The following ASAP2 variants were observed in gnomAD, a reference collection of about 807,000 sequenced individuals.
ASAP2 encodes arf-GAP with SH3 domain, ANK repeat and PH domain-containing protein 2.
ASAP2 carries 45 observed loss-of-function variants against 131.4 expected under a neutral mutation model. That is an observed-to-expected ratio of 0.34 (90% CI 0.27 to 0.44). The LOEUF (loss-of-function observed/expected upper bound fraction) is 0.44, where lower values mean the gene tolerates loss of function less well. ASAP2 is among the 20% of genes least tolerant of loss of function. ASAP2 has a pLI of 1.00. For missense variants in ASAP2, 1,011 were observed against 1,297.0 expected (o/e 0.78, Z 3.39); for synonymous variants, 510 against 503.0 (o/e 1.01, Z -0.19).
chr2:9,324,758 C>T (rs1390121913), intron 6 of ASAP2, among the ~76,000 whole-genome samples: 1 of 152,174 alleles, frequency 6.6e-6, no homozygotes, highest in Non-Finnish European at 1.5e-5. Flanking sequence ...ACCATATCAC[C>T]ACTCCAGCTC....
In ASAP2 at chr2:9,375,401, A is replaced by AG. The variant is rs1674326873; in HGVS notation, c.1746+460dup. 5.3e-5 allele frequency among the ~76,000 whole-genome samples: 8 copies of AG among 152,112 alleles called. No homozygotes were observed. The South Asian group carries it at 1.7e-3, about 32-fold the overall frequency. On this transcript the variant is annotated intron_variant, in intron 17 of 27. Coordinates refer to ENST00000281419, the MANE Select transcript of ASAP2 (RefSeq NM_003887.3). ...GAGGGGTACTGGGGTAGAATAAACTAGGGTTTTTTCTTTTCAGTAGGAAAA... is the reference window on the plus strand; with the variant it reads ...GAGGGGTACTGGGGTAGAATAAACTAGGGGTTTTTTCTTTTCAGTAGGAAAA...
intron 15 of ASAP2, among the ~76,000 whole-genome samples, chr2:9,360,056 G>A (rs1463825890): frequency 6.6e-6 from 1 of 152,208 alleles, no homozygotes; most frequent in Non-Finnish European, 1.5e-5. Flanking sequence ...GTATCTCTTG[G>A]ATAACTGATG....
chr2:9,228,720 C>T (rs538281198), intron 1 of ASAP2, among the ~76,000 whole-genome samples: 1 of 152,224 alleles, frequency 6.6e-6, no homozygotes, highest in Non-Finnish European at 1.5e-5. Flanking sequence ...CAGCAGAATG[C>T]GTATGTGAAC....
intron 15 of ASAP2, among the ~76,000 whole-genome samples, chr2:9,365,723 C>T (rs1031119136): frequency 1.6e-4 from 24 of 152,308 alleles, no homozygotes; most frequent in African/African-American, 5.8e-4. Flanking sequence ...GGCCTGGTGC[C>T]GCTGTCCTCA....
At chr2:9,221,562 G>A (rs1482844109) in intron 1 of ASAP2, among the ~76,000 whole-genome samples, 1 of 152,002 alleles carries the variant, frequency 6.6e-6, no homozygotes, top group African/African-American at 2.4e-5. Context: ...TCTTTTTGAT[G>A]TGAGTGGAAT....
chr2:9,293,428 G>C (rs1402688760), intron 2 of ASAP2, among the ~76,000 whole-genome samples: 1 of 152,168 alleles, frequency 6.6e-6, no homozygotes, highest in Non-Finnish European at 1.5e-5. Flanking sequence ...ACAAGGGGGA[G>C]GTGAGAGTGT....
chr2:9,387,642 G>A (rs1049107862), intron 21 of ASAP2, among the ~76,000 whole-genome samples: 14 of 152,196 alleles, frequency 9.2e-5, no homozygotes, highest in Admixed American at 9.2e-4. Context: ...TGCTGACTTA[G>A]GTTGAGATAA....
intron 1 of ASAP2, among the ~76,000 whole-genome samples, chr2:9,265,213 C>T (rs1665861458): frequency 6.6e-6 from 1 of 152,144 alleles, no homozygotes; most frequent in African/African-American, 2.4e-5. Flanking sequence ...ATTTACATTG[C>T]ATTAGATATA....
intron 1 of ASAP2, among the ~76,000 whole-genome samples, chr2:9,243,669 A>G (rs1197457619): frequency 6.6e-6 from 1 of 152,170 alleles, no homozygotes; most frequent in Non-Finnish European, 1.5e-5. Context: ...AGCTTGTTTT[A>G]TCTTACCTAG....
chr2:9,237,289 T>C (rs1663620221), intron 1 of ASAP2, among the ~76,000 whole-genome samples: 1 of 152,222 alleles, frequency 6.6e-6, no homozygotes, highest in Non-Finnish European at 1.5e-5. Context: ...CTCCTGAGGC[T>C]GGATTAGGAC....
intron 19 of ASAP2, among the ~76,000 whole-genome samples, chr2:9,380,248 A>T (rs1273472449): frequency 5.3e-5 from 8 of 152,098 alleles, no homozygotes; most frequent in East Asian, 1.9e-4. Flanking sequence ...CCAAGGCTAG[A>T]GTGCAGTGGC....
At position 9,346,435 on chromosome 2, in the gene ASAP2, C is replaced by CA. The variant is rs879767444; in HGVS notation, c.1023+1651dup. On this transcript the variant is annotated intron_variant, in intron 11 of 27. Transcript: ENST00000281419. Reference sequence around the variant, plus strand: ...TGGGAGACAGAGCAAGACTCCATCTCAAAAAAAAAAAAAAAAGCCATTCTT... The same window carrying CA: ...TGGGAGACAGAGCAAGACTCCATCTCAAAAAAAAAAAAAAAAAGCCATTCTT... Among the ~76,000 whole-genome samples, 779 of 97,884 alleles carry CA rather than the reference C, an allele frequency of 8.0e-3. 6 individuals are homozygous for CA. Among genetic ancestry groups the CA allele is most frequent in the Admixed American group, 0.012 (108 of 9,298 alleles). 64.2% of individuals were successfully genotyped at this position (97,884 alleles called of 152,430 possible). A position where few individuals can be genotyped will look rare whatever the true frequency, so the allele number is the denominator to read the frequency against.
intron 1 of ASAP2, among the ~76,000 whole-genome samples, chr2:9,274,319 C>CT (rs57798948): frequency 0.76 from 80,966 of 106,484 alleles, 31,811 homozygotes; most frequent in East Asian, 0.88. Flanking sequence ...AGCATTCAAT[C>CT]TTTTTTTTTT....
chr2:9,393,994 C>T (rs1018656516), intron 24 of ASAP2, among the ~76,000 whole-genome samples: 5 of 152,058 alleles, frequency 3.3e-5, no homozygotes, highest in African/African-American at 9.7e-5. Context: ...TGGTGTGAGG[C>T]GTGGATTTCC....
chr2:9,328,476 T>G (rs1670618050), intron 7 of ASAP2, among the ~76,000 whole-genome samples: 1 of 152,222 alleles, frequency 6.6e-6, no homozygotes, highest in Admixed American at 6.5e-5. Context: ...AACTCTCAGA[T>G]GTTTGTTAAA....
intron 20 of ASAP2, 137 bp from the exon 21 acceptor site, chr2:9,385,108 G>A (rs1427254210): frequency 3.2e-6 from 2 of 632,010 alleles, no homozygotes; most frequent in Non-Finnish European, 5.6e-6. Flanking sequence ...AGGGGCGGGG[G>A]CTTCACCTGA....
At chr2:9,280,478 GATA>G (rs963405213) in intron 2 of ASAP2, among the ~76,000 whole-genome samples, 3 of 152,186 alleles carry the variant, frequency 2.0e-5, no homozygotes, top group African/African-American at 7.2e-5. Flanking sequence ...CCAGGTGCAG[GATA>G]ATGTTACAGT....
In ASAP2 at chr2:9,335,938, G is replaced by A. The variant is rs535777628; in HGVS notation, c.849+759G>A. ...ACTACTTGACAGCATAAAGTTCCCT[G>A]TTGGCAGTTTGGTGAGCTCTATTTT... On this transcript the variant is annotated intron_variant, in intron 9 of 27. Coordinates refer to ENST00000281419, the MANE Select transcript of ASAP2 (RefSeq NM_003887.3). 4 of 152,258 alleles carry A rather than the reference G, an allele frequency of 2.6e-5. No homozygotes were observed. In the East Asian group the frequency reaches 7.7e-4, roughly 29 times the overall value. 9.4% of individuals were successfully genotyped at this position (152,258 alleles called of 1,614,324 possible). A position where few individuals can be genotyped will look rare whatever the true frequency, so the allele number is the denominator to read the frequency against.
chr2:9,246,825 A>G (rs1572243208), intron 1 of ASAP2, among the ~76,000 whole-genome samples: 1 of 152,084 alleles, frequency 6.6e-6, no homozygotes, highest in Non-Finnish European at 1.5e-5. Context: ...GTACTGCTGC[A>G]TGTGGAGAAA....
Sources: gnomAD v4.1 joint callset for allele counts (sites outside exome capture counted in the v4.1 genomes callset) on GRCh38, gnomAD v4.1.1 for gene constraint, MANE v1.5 for transcripts, NCBI Gene and HGNC (gene_info 2026-07-23, HGNC 2026-07-21) for gene names.